The following SLCO3A1 variants were observed in gnomAD, a reference collection of about 807,000 sequenced individuals.
SLCO3A1 encodes the protein PGE1 transporter.
In SLCO3A1, 27 loss-of-function variants were observed where a neutral mutation model predicts 63.1. That is an observed-to-expected ratio of 0.43 (90% CI 0.32 to 0.59). The LOEUF (loss-of-function observed/expected upper bound fraction) is 0.59, where lower values mean the gene tolerates loss of function less well. Among genes scored for constraint, SLCO3A1 ranks in the 20% least tolerant of loss-of-function variants. The pLI is 0.09. For synonymous variants in SLCO3A1, 473 were observed against 409.9 expected (o/e 1.15, Z -1.86); for missense variants, 773 against 945.8 (o/e 0.82, Z 2.40).
Position 91,883,674 on chromosome 15 carries a change from G to A in SLCO3A1, c.180+29586G>A, listed in dbSNP as rs778500303. ...CAATGCATTGATACATTGTTCATAC[G>A]CTCATAATTAGTTCATGTGTTTTGC... On this transcript the variant is annotated intron_variant, in intron 1 of 9. Transcript: ENST00000318445. This position sits in a 1 kb window ranked among gnomAD's most constrained non-coding sequence, Gnocchi z 4.8. Among the ~76,000 whole-genome samples the A allele has an allele frequency of 3.9e-5, 6 of 152,120 alleles. No homozygotes were observed. Among genetic ancestry groups the A allele is most frequent in the Admixed American group, 6.5e-5 (1 of 15,274 alleles).
At chr15:91,937,154 T>G (rs1899443192) in intron 2 of SLCO3A1, among the ~76,000 whole-genome samples, 1 of 152,196 alleles carries the variant, frequency 6.6e-6, no homozygotes, top group Admixed American at 6.5e-5. Flanking sequence ...GCTGACGATG[T>G]AAAAGGAAAC....
At chr15:91,970,562 T>C (rs1386433741) in intron 2 of SLCO3A1, among the ~76,000 whole-genome samples, 1 of 152,102 alleles carries the variant, frequency 6.6e-6, no homozygotes, top group Non-Finnish European at 1.5e-5. Flanking sequence ...AGCGGGTAGG[T>C]AGGAGACAAG....
intron 2 of SLCO3A1, among the ~76,000 whole-genome samples, chr15:92,007,107 C>T (rs2046321715): frequency 6.6e-6 from 1 of 152,200 alleles, no homozygotes; most frequent in Admixed American, 6.5e-5. Context: ...CGCAGGAGGA[C>T]TACAATATGT....
Position 92,137,495 on chromosome 15 carries a change from G to A in SLCO3A1, c.1512+9006G>A, listed in dbSNP as rs1380707828. Among the ~76,000 whole-genome samples, 4 of 101,724 alleles carry A rather than the reference G, an allele frequency of 3.9e-5. 1 individual carries two copies. The highest frequency in any genetic ancestry group is 5.5e-5 in the Non-Finnish European group (3 of 54,280). 66.7% of individuals were successfully genotyped at this position (101,724 alleles called of 152,430 possible). A position where few individuals can be genotyped will look rare whatever the true frequency, so the allele number is the denominator to read the frequency against. ...GTCCTTTGGGTATATACCCAGTAATGGGATGGCTGGGTCAAATGGTATTTC... is the reference window on the plus strand; with the variant it reads ...GTCCTTTGGGTATATACCCAGTAATAGGATGGCTGGGTCAAATGGTATTTC... On this transcript the variant is annotated intron_variant, in intron 7 of 9. Transcript: ENST00000318445.
intron 1 of SLCO3A1, among the ~76,000 whole-genome samples, chr15:91,868,461 A>G (rs1379165569): frequency 7.1e-6 from 1 of 140,306 alleles, no homozygotes; most frequent in Non-Finnish European, 1.6e-5. Context: ...CATAGATAAC[A>G]TAAAAAAAAA....
chr15:91,965,557 GT>G (rs1160706989), intron 2 of SLCO3A1, among the ~76,000 whole-genome samples: 1 of 152,070 alleles, frequency 6.6e-6, no homozygotes. Flanking sequence ...CTTCCCTTTT[GT>G]TTTTCTATGT....
intron 2 of SLCO3A1, among the ~76,000 whole-genome samples, chr15:92,046,461 CG>C (rs1474078033): frequency 6.6e-6 from 1 of 151,988 alleles, no homozygotes; most frequent in East Asian, 1.9e-4. Flanking sequence ...ACCCAGGAGG[CG>C]GAGGTTGCAT....
chr15:92,151,791 T>C (rs980471613), intron 9 of SLCO3A1, among the ~76,000 whole-genome samples: 1 of 152,228 alleles, frequency 6.6e-6, no homozygotes, highest in Non-Finnish European at 1.5e-5. Context: ...GGCATCTGAA[T>C]GTAGAAAGGA....
At chr15:92,041,090 T>C (rs1392675173) in intron 2 of SLCO3A1, among the ~76,000 whole-genome samples, 4 of 152,158 alleles carry the variant, frequency 2.6e-5, no homozygotes, top group African/African-American at 9.7e-5. Flanking sequence ...GATGCTCTTG[T>C]AGAAAGTGTC....
At chr15:92,013,233 C>CT (rs1443826352) in intron 2 of SLCO3A1, among the ~76,000 whole-genome samples, 1 of 152,220 alleles carries the variant, frequency 6.6e-6, no homozygotes, top group African/African-American at 2.4e-5. Context: ...AACTTGGACT[C>CT]TAATTACTCA....
intron 2 of SLCO3A1, among the ~76,000 whole-genome samples, chr15:91,931,363 C>G (rs987779992): frequency 1.3e-5 from 2 of 152,102 alleles, no homozygotes; most frequent in African/African-American, 2.4e-5. Context: ...TCAGAATTTG[C>G]CGAGGTTCAC....
rs1308111328 is a variant in SLCO3A1, at chr15:91,885,104, G to A, written c.181-30889G>A. ...GTCCCATATAGGGACACAGAAAGGA[G>A]GTGATGGGGGTGGTGCTGAGCCTGC... On this transcript the variant is annotated intron_variant, in intron 1 of 9. Coordinates refer to ENST00000318445, the MANE Select transcript of SLCO3A1 (RefSeq NM_013272.4). The surrounding 1 kb of genome is among the most constrained non-coding windows in gnomAD (Gnocchi z 4.7). Among the ~76,000 whole-genome samples, 5 of 152,212 alleles carry A rather than the reference G, an allele frequency of 3.3e-5. No individual in the cohort carries two copies. The highest frequency in any genetic ancestry group is 3.3e-4 in the Admixed American group (5 of 15,288).
intron 1 of SLCO3A1, among the ~76,000 whole-genome samples, chr15:91,884,730 C>T (rs956224580): frequency 6.6e-6 from 1 of 152,046 alleles, no homozygotes. Context: ...AATTATATTT[C>T]AGTTCTAATG....
chr15:92,136,243 C>T lies in SLCO3A1; in HGVS notation c.1512+7754C>T, dbSNP rs1045118840. Among the ~76,000 whole-genome samples, 17 of 152,310 alleles carry T rather than the reference C, an allele frequency of 1.1e-4. No individual in the cohort carries two copies. The South Asian group carries it at 3.1e-3, about 28-fold the overall frequency. ...ATAGAAGGCTCGTAATACAAATATC[C>T]CCATACAATCCTCTTAGAAAAATAA... is the stretch of plus-strand genomic sequence containing the variant. On this transcript the variant is annotated intron_variant, in intron 7 of 9. Coordinates refer to ENST00000318445, the MANE Select transcript of SLCO3A1 (RefSeq NM_013272.4).
At chr15:91,919,415 C>T (rs545821192) in intron 2 of SLCO3A1, among the ~76,000 whole-genome samples, 1 of 152,330 alleles carries the variant, frequency 6.6e-6, no homozygotes, top group Non-Finnish European at 1.5e-5. Flanking sequence ...TGAATGGGGA[C>T]TCGGCTCTGC....
intron 2 of SLCO3A1, among the ~76,000 whole-genome samples, chr15:91,943,860 C>T (rs1899707615): frequency 6.6e-6 from 1 of 152,182 alleles, no homozygotes; most frequent in African/African-American, 2.4e-5. Context: ...ATTCCAATGA[C>T]CTGGTTCCCT....
At position 92,138,103 on chromosome 15, in the gene SLCO3A1, G is replaced by T. The variant is rs1278884666; in HGVS notation, c.1513-8881G>T. Among the ~76,000 whole-genome samples, 1,004 of 112,746 alleles carry T rather than the reference G, an allele frequency of 8.9e-3. 31 individuals are homozygous for T. Among genetic ancestry groups the T allele is most frequent in the Non-Finnish European group, 8.5e-3 (495 of 58,370 alleles). 74.0% of individuals were successfully genotyped at this position (112,746 alleles called of 152,430 possible). A position where few individuals can be genotyped will look rare whatever the true frequency, so the allele number is the denominator to read the frequency against. On this transcript the variant is annotated intron_variant, in intron 7 of 9. Coordinates refer to ENST00000318445, the MANE Select transcript of SLCO3A1 (RefSeq NM_013272.4). ...GGTTTTCTTCTAGGGTTTTTATGGT[G>T]TTAGGTCTAATGTTTAAGTCTTTAA...
rs1004107541 is a variant in SLCO3A1 at position 92,163,854 on chromosome 15, G to A, written c.*719G>A. On this transcript the variant is annotated 3_prime_UTR_variant, in exon 10 of 10. Coordinates refer to ENST00000318445, the MANE Select transcript of SLCO3A1 (RefSeq NM_013272.4). The stretch of plus-strand genomic sequence containing the variant: ...CATGTTCAAGACTGAGGGCCTGAGG[G>A]GGAGCCAGGTGGGGGGCCAGCACCT... 4 of 985,576 alleles carry A rather than the reference G, an allele frequency of 4.1e-6. No homozygotes were observed. Among genetic ancestry groups the A allele is most frequent in the Non-Finnish European group, 4.8e-6 (4 of 830,096 alleles). The allele number at this position is 985,576 out of a possible 1,614,324, so 61.1% of individuals were successfully genotyped here.
chr15:92,026,727 G>A (rs7181178), intron 2 of SLCO3A1, among the ~76,000 whole-genome samples: 23,394 of 152,134 alleles, frequency 0.15, 2,213 homozygotes, highest in Admixed American at 0.31. Context: ...CATTACACTG[G>A]TAAAGATGGA....
Sources: gnomAD v4.1 joint callset for allele counts (sites outside exome capture counted in the v4.1 genomes callset) on GRCh38, gnomAD v4.1.1 for gene constraint, Gnocchi (gnomAD v3.1) non-coding constraint, MANE v1.5 for transcripts, NCBI Gene and HGNC (gene_info 2026-07-23, HGNC 2026-07-21) for gene names.